Variants in EPHB1 observed in about 807,000 individuals in gnomAD.
EPHB1 encodes EPH receptor B1, also known as ephrin type-B receptor 1.
In EPHB1, 30 loss-of-function variants were observed where a neutral mutation model predicts 94.4. The observed-to-expected ratio is 0.32, with a 90% CI of 0.24 to 0.43. The LOEUF is 0.43. Ranked by LOEUF, EPHB1 falls within the 20% of genes least tolerant of loss-of-function variation. The pLI, the probability that EPHB1 is intolerant of heterozygous loss-of-function variation, is 1.00. For synonymous variants in EPHB1, 522 were observed against 489.1 expected (o/e 1.07, Z -0.89); for missense variants, 1,055 against 1,308.3 (o/e 0.81, Z 2.99).
rs201702941 is a variant in EPHB1 at position 135,249,359 on chromosome 3, G to A, written c.2714G>A (p.Arg905His). 120 of 1,613,276 alleles carry A rather than the reference G, an allele frequency of 7.4e-5. 1 individual carries two copies. Among genetic ancestry groups the A allele is most frequent in the Middle Eastern group, 1.7e-4 (1 of 6,050 alleles). ...AGGCCTTCCCAGCCCCTGCTCGACC[G>A]CTCCATCCCAGACTTCACGGCCTTT... ...TAVPSQPLLD[R>H]SIPDFTAFTT... The change falls in exon 15 of 16, where the codon CGC (arginine) becomes CAC (histidine). Residue 905 changes from arginine (R) to histidine (H), a missense_variant. Arg to His is a conservative substitution (Grantham distance 29, BLOSUM62 0). Transcript: ENST00000398015.
intron 3 of EPHB1, among the ~76,000 whole-genome samples, chr3:135,061,323 T>G (rs1485444009): frequency 6.6e-6 from 1 of 151,590 alleles, no homozygotes; most frequent in Non-Finnish European, 1.5e-5. Flanking sequence ...GTATCATTCT[T>G]ATGCTTTTGT....
chr3:135,077,980 G>A (rs1938005520), intron 3 of EPHB1, among the ~76,000 whole-genome samples: 1 of 152,190 alleles, frequency 6.6e-6, no homozygotes, highest in Non-Finnish European at 1.5e-5. Context: ...GCATTGATTT[G>A]TTTAATCTTC....
intron 12 of EPHB1, among the ~76,000 whole-genome samples, chr3:135,232,503 G>A (rs927503264): frequency 1.1e-4 from 16 of 152,342 alleles, no homozygotes; most frequent in African/African-American, 3.8e-4. Flanking sequence ...TGTCCAACCT[G>A]CCAACTCCAG....
intron 1 of EPHB1, among the ~76,000 whole-genome samples, chr3:134,826,738 G>A (rs950141144): frequency 1.3e-5 from 2 of 152,148 alleles, no homozygotes; most frequent in Non-Finnish European, 2.9e-5. Flanking sequence ...GTAGTTTGTA[G>A]AGCTCATAGT....
At chr3:134,816,492 C>T (rs2036276282) in intron 1 of EPHB1, among the ~76,000 whole-genome samples, 1 of 152,100 alleles carries the variant, frequency 6.6e-6, no homozygotes, top group Admixed American at 6.5e-5. Flanking sequence ...CCAGTTATGG[C>T]CTCTGTGTGT....
intron 1 of EPHB1, among the ~76,000 whole-genome samples, chr3:134,800,296 A>G (rs2035912195): frequency 6.6e-6 from 1 of 152,240 alleles, no homozygotes; most frequent in Non-Finnish European, 1.5e-5. Flanking sequence ...AGAAAGTAAG[A>G]TGCTATTAAA....
At chr3:135,198,397 C>G (rs1942677111) in intron 11 of EPHB1, among the ~76,000 whole-genome samples, 1 of 152,222 alleles carries the variant, frequency 6.6e-6, no homozygotes, top group African/African-American at 2.4e-5. Context: ...TAAACATATT[C>G]TGTAAGTATT....
At chr3:135,253,371 T>C (rs1215110423) in intron 15 of EPHB1, among the ~76,000 whole-genome samples, 1 of 148,628 alleles carries the variant, frequency 6.7e-6, no homozygotes, top group Non-Finnish European at 1.5e-5. Flanking sequence ...CTTTAATCCA[T>C]CTTGAATTAA....
intron 2 of EPHB1, among the ~76,000 whole-genome samples, chr3:134,933,066 C>T (rs2038934678): frequency 6.6e-6 from 1 of 152,190 alleles, no homozygotes; most frequent in South Asian, 2.1e-4. Flanking sequence ...GATAGCTTGG[C>T]TCATGAAACT....
At chr3:134,838,237 T>C (rs909388783) in intron 1 of EPHB1, among the ~76,000 whole-genome samples, 2 of 152,142 alleles carry the variant, frequency 1.3e-5, no homozygotes, top group African/African-American at 4.8e-5. Context: ...AGATGTAAGA[T>C]TCATGTTAGT....
intron 5 of EPHB1, among the ~76,000 whole-genome samples, chr3:135,133,402 G>A (rs897065334): frequency 6.6e-6 from 1 of 152,196 alleles, no homozygotes; most frequent in Non-Finnish European, 1.5e-5. Context: ...GACAAACAGA[G>A]GATTGTGTAA....
In EPHB1 at chr3:135,259,744, A is replaced by C. The variant is rs537759757; in HGVS notation, c.*624A>C. On this transcript the variant is annotated 3_prime_UTR_variant, in exon 16 of 16. Transcript: ENST00000398015. Reference sequence around the variant, plus strand: ...CATATTGAAGAAGAGATGTACCTTCAATTGAAAACCTCGTTTTTCTTTTGT... The same window carrying C: ...CATATTGAAGAAGAGATGTACCTTCCATTGAAAACCTCGTTTTTCTTTTGT... The C allele has an allele frequency of 9.5e-6, 2 of 210,490 alleles. No individual in the cohort carries two copies. The highest frequency in any genetic ancestry group is 4.5e-5 in the African/African-American group (2 of 44,050). 13.0% of individuals were successfully genotyped at this position (210,490 alleles called of 1,614,324 possible).
intron 12 of EPHB1, among the ~76,000 whole-genome samples, chr3:135,210,367 G>A (rs1943004458): frequency 6.6e-6 from 1 of 152,188 alleles, no homozygotes; most frequent in African/African-American, 2.4e-5. Context: ...TGAATATGTG[G>A]GTTTGGGGCA....
At chr3:134,905,147 C>G (rs1195562920) in intron 1 of EPHB1, among the ~76,000 whole-genome samples, 1 of 152,178 alleles carries the variant, frequency 6.6e-6, no homozygotes, top group South Asian at 2.1e-4. Context: ...CAGTACCCAC[C>G]TCCAGTGCAG....
At chr3:134,970,760 G>A (rs546470480) in intron 3 of EPHB1, among the ~76,000 whole-genome samples, 14 of 152,330 alleles carry the variant, frequency 9.2e-5, no homozygotes, top group Non-Finnish European at 1.9e-4. Flanking sequence ...GCAGCTATCA[G>A]ATGCGAGCTG....
At chr3:135,066,677 C>A (rs1385633381) in intron 3 of EPHB1, among the ~76,000 whole-genome samples, 1 of 152,140 alleles carries the variant, frequency 6.6e-6, no homozygotes, top group African/African-American at 2.4e-5. Context: ...TAATAACTAA[C>A]CTCCTGAATT....
Position 134,952,071 on chromosome 3 carries a change from G to T in EPHB1, c.805+19G>T. 1.9e-6 allele frequency: 3 copies of T among 1,573,388 alleles called. No homozygotes were observed. The highest frequency in any genetic ancestry group is 2.6e-6 in the Non-Finnish European group (3 of 1,156,050). On this transcript the variant is annotated intron_variant, in intron 3 of 15. Coordinates refer to ENST00000398015, the MANE Select transcript of EPHB1 (RefSeq NM_004441.5). ...TGCAAGGGTAAGCTTTGGAGCCTCT[G>T]CTTCCTGCCCATCTATGGCAGGGCC...
intron 3 of EPHB1, among the ~76,000 whole-genome samples, chr3:134,958,910 G>A (rs991177048): frequency 6.6e-6 from 1 of 152,138 alleles, no homozygotes; most frequent in African/African-American, 2.4e-5. Context: ...TCTGCATAAT[G>A]ATCCTTTCTG....
intron 3 of EPHB1, among the ~76,000 whole-genome samples, chr3:135,014,691 A>T (rs1288079877): frequency 6.6e-6 from 1 of 152,184 alleles, no homozygotes; most frequent in Non-Finnish European, 1.5e-5. Context: ...TCACCCTTCC[A>T]AATGGATCAC....
Sources: allele counts gnomAD v4.1 joint callset (sites outside exome capture counted in the v4.1 genomes callset), GRCh38; gene constraint gnomAD v4.1.1; transcripts MANE v1.5; gene names NCBI Gene and HGNC (gene_info 2026-07-23, HGNC 2026-07-21).